The following MAN1A2 variants were observed in gnomAD, a reference collection of about 807,000 sequenced individuals.
The protein encoded by MAN1A2 is mannosyl-oligosaccharide 1,2-alpha-mannosidase IB.
A neutral mutation model predicts 75.7 loss-of-function variants in MAN1A2; 26 were observed. The ratio of observed to expected loss-of-function variants is 0.34; its 90% CI spans 0.25 to 0.48. The LOEUF (loss-of-function observed/expected upper bound fraction) is 0.48, where lower values mean the gene tolerates loss of function less well. Ranked by LOEUF, MAN1A2 falls within the 20% of genes least tolerant of loss-of-function variation. MAN1A2 has a pLI of 0.99. For missense variants in MAN1A2, 562 were observed against 775.5 expected, an observed-to-expected ratio of 0.72 and a Z score of 3.27; for synonymous variants, 247 against 264.6, an observed-to-expected ratio of 0.93 and a Z score of 0.65.
intron 6 of MAN1A2, among the ~76,000 whole-genome samples, chr1:117,449,254 CTTTAAA>C (rs1001066734): frequency 2.0e-5 from 3 of 152,098 alleles, no homozygotes; most frequent in African/African-American, 7.2e-5. Context: ...ATGTCTCTCA[CTTTAAA>C]TTAAAAGTTA....
chr1:117,407,574 A>G (rs1647658050), intron 3 of MAN1A2, among the ~76,000 whole-genome samples: 1 of 152,146 alleles, frequency 6.6e-6, no homozygotes. Context: ...TCTTTTTGTT[A>G]GCCTTGATTA....
intron 1 of MAN1A2, among the ~76,000 whole-genome samples, chr1:117,392,981 T>G (rs535709464): frequency 8.5e-5 from 13 of 152,380 alleles, no homozygotes; most frequent in African/African-American, 2.9e-4. Flanking sequence ...GAGAAACAGT[T>G]GGGCTTCTTC....
chr1:117,425,451 A>G (rs1346387031), intron 5 of MAN1A2, among the ~76,000 whole-genome samples: 1 of 152,240 alleles, frequency 6.6e-6, no homozygotes, highest in East Asian at 1.9e-4. Context: ...AAAATTCTCA[A>G]CAATGTATCA....
intron 1 of MAN1A2, among the ~76,000 whole-genome samples, chr1:117,376,732 C>A (rs997904375): frequency 7.9e-5 from 12 of 152,160 alleles, no homozygotes; most frequent in African/African-American, 2.4e-4. Flanking sequence ...CCATAGGTTC[C>A]ACATGTGTGG....
chr1:117,443,842 T>C (rs1649121043), intron 6 of MAN1A2, among the ~76,000 whole-genome samples: 1 of 152,088 alleles, frequency 6.6e-6, no homozygotes. Context: ...ATTCCTAGGC[T>C]CAAGTGATCC....
At chr1:117,463,234 TAAAC>T (rs564882761) in intron 7 of MAN1A2, among the ~76,000 whole-genome samples, 2 of 151,706 alleles carry the variant, frequency 1.3e-5, no homozygotes, top group Admixed American at 6.6e-5. Context: ...ATAACCAAAA[TAAAC>T]AAAAACGAAA....
chr1:117,388,640 C>T (rs1181064896), intron 1 of MAN1A2, among the ~76,000 whole-genome samples: 6 of 152,088 alleles, frequency 3.9e-5, no homozygotes, highest in African/African-American at 1.4e-4. Flanking sequence ...CAGCACCAAG[C>T]CATGAGGGAT....
intron 8 of MAN1A2, among the ~76,000 whole-genome samples, chr1:117,484,796 G>C (rs1461602423): frequency 6.6e-6 from 1 of 151,786 alleles, no homozygotes. Flanking sequence ...TTTTATAATA[G>C]ATTTGTATTT....
chr1:117,368,336 T>G lies in MAN1A2; in HGVS notation c.153T>G (p.Phe51Leu). The change falls in exon 1 of 13, where the codon TTT becomes TTG. Residue 51 changes from phenylalanine to leucine, a missense_variant. This residue lies in a region of MAN1A2 where 128 missense variants were observed against 129.8 expected (regional missense o/e 0.99). Transcript: ENST00000356554. ...LILSAFITLC[F>L]GAFFFLPDSS... ...TTAGTGCCTTCATCACTCTGTGTTT[T>G]GGGGCATTCTTTTTCCTTCCAGACT... The G allele has an allele frequency of 2.5e-6, 4 of 1,614,196 alleles. No individual in the cohort carries two copies. The highest frequency in any genetic ancestry group is 3.4e-6 in the Non-Finnish European group (4 of 1,180,034).
chr1:117,453,625 A>G (rs1294052299), intron 6 of MAN1A2, among the ~76,000 whole-genome samples: 1 of 152,222 alleles, frequency 6.6e-6, no homozygotes, highest in Non-Finnish European at 1.5e-5. Context: ...GAGCAGAGAA[A>G]GTGGTTTCTT....
At chr1:117,438,690 A>G (rs1191764150) in intron 5 of MAN1A2, among the ~76,000 whole-genome samples, 2 of 152,212 alleles carry the variant, frequency 1.3e-5, no homozygotes, top group African/African-American at 4.8e-5. Context: ...TAGGTAAACA[A>G]ATACTTACCA....
intron 4 of MAN1A2, 120 bp downstream of exon 4, chr1:117,414,951 TG>T (rs1647941652): frequency 4.8e-6 from 3 of 621,098 alleles, no homozygotes; most frequent in Non-Finnish European, 8.7e-6. Context: ...TAATCACTAA[TG>T]TGACGGTACT....
At chr1:117,377,878 A>G (rs1232815606) in intron 1 of MAN1A2, among the ~76,000 whole-genome samples, 1 of 152,132 alleles carries the variant, frequency 6.6e-6, no homozygotes, top group East Asian at 1.9e-4. Context: ...AGGCGGGTGG[A>G]TCACGAGGTC....
At chr1:117,496,581 C>G (rs185494970) in intron 9 of MAN1A2, among the ~76,000 whole-genome samples, 182 bp from the exon 10 acceptor site, 1 of 151,890 alleles carries the variant, frequency 6.6e-6, no homozygotes, top group African/African-American at 2.4e-5. Context: ...GATATTGGTT[C>G]CAGATTATAT....
intron 4 of MAN1A2, among the ~76,000 whole-genome samples, chr1:117,420,087 T>G (rs915124898): frequency 2.0e-5 from 3 of 152,110 alleles, no homozygotes; most frequent in Non-Finnish European, 2.9e-5. Flanking sequence ...TAATCCATCA[T>G]TCTGCCATTT....
rs536485432 is a variant in MAN1A2 at position 117,526,559 on chromosome 1, T to G, written c.*3602T>G. On this transcript the variant is annotated 3_prime_UTR_variant, in exon 13 of 13. Transcript: ENST00000356554. ...TACTTTAGAAATAAAAACGTTCTTA[T>G]TTTGCTATATCACTTTAATTGCATA... 2.0e-5 allele frequency: 3 copies of G among 151,614 alleles called. No homozygotes were observed. Among genetic ancestry groups the G allele is most frequent in the Non-Finnish European group, 4.4e-5 (3 of 67,734 alleles). 9.4% of individuals were successfully genotyped at this position (151,614 alleles called of 1,614,324 possible).
At chr1:117,478,326 A>G (rs938117696) in intron 8 of MAN1A2, among the ~76,000 whole-genome samples, 1 of 151,972 alleles carries the variant, frequency 6.6e-6, no homozygotes, top group Admixed American at 6.6e-5. Flanking sequence ...TATTCTGGAT[A>G]CAATTCCTAT....
chr1:117,393,892 G>A (rs1204599904), intron 1 of MAN1A2, among the ~76,000 whole-genome samples: 4 of 152,132 alleles, frequency 2.6e-5, no homozygotes, highest in South Asian at 4.2e-4. Context: ...AAGAAATAAT[G>A]TATCAATGGA....
chr1:117,413,158 C>T (rs1647878896), intron 3 of MAN1A2, among the ~76,000 whole-genome samples: 1 of 151,838 alleles, frequency 6.6e-6, no homozygotes, highest in African/African-American at 2.4e-5. Flanking sequence ...CGTAACAACA[C>T]ATAACTTTCT....
Sources: allele counts gnomAD v4.1 joint callset (sites outside exome capture counted in the v4.1 genomes callset), GRCh38; gene constraint gnomAD v4.1.1; regional missense constraint gnomAD v4.1.1; transcripts MANE v1.5; gene names NCBI Gene and HGNC (gene_info 2026-07-23, HGNC 2026-07-21).